Variants in PTPN14 observed in about 807,000 individuals in gnomAD.
PTPN14 encodes protein tyrosine phosphatase non-receptor type 14, also known as tyrosine-protein phosphatase non-receptor type 14.
PTPN14 carries 53 observed loss-of-function variants against 126.8 expected under a neutral mutation model. The ratio of observed to expected loss-of-function variants is 0.42; its 90% CI spans 0.34 to 0.53. The LOEUF is 0.53. Ranked by LOEUF, PTPN14 falls within the 20% of genes least tolerant of loss-of-function variation. PTPN14 has a pLI of 0.08. For missense variants in PTPN14, 1,257 were observed against 1,552.9 expected (o/e 0.81, Z 3.20); for synonymous variants, 630 against 599.3 (o/e 1.05, Z -0.75).
At chr1:214,406,664 T>C (rs927014734) in intron 5 of PTPN14, among the ~76,000 whole-genome samples, 8 of 152,124 alleles carry the variant, frequency 5.3e-5, no homozygotes, top group African/African-American at 1.9e-4. Context: ...AATGATGAGA[T>C]TTATGAAGTT....
At chr1:214,497,521 T>C (rs558386176) in intron 1 of PTPN14, among the ~76,000 whole-genome samples, 39 of 152,340 alleles carry the variant, frequency 2.6e-4, no homozygotes, top group African/African-American at 8.9e-4. Flanking sequence ...TTTTAATCTA[T>C]GCTACAAGCT....
At chr1:214,461,752 G>C (rs1421836326) in intron 2 of PTPN14, among the ~76,000 whole-genome samples, 2 of 152,192 alleles carry the variant, frequency 1.3e-5, no homozygotes, top group South Asian at 2.1e-4. Flanking sequence ...GAGGCTGAAT[G>C]AGCCATGATC....
chr1:214,436,341 G>A (rs1026331037), intron 3 of PTPN14, among the ~76,000 whole-genome samples: 14 of 151,892 alleles, frequency 9.2e-5, no homozygotes, highest in Admixed American at 7.2e-4. Context: ...CTAAACTCCC[G>A]TGACACACAA....
chr1:214,452,620 C>G (rs1175720125), intron 2 of PTPN14, among the ~76,000 whole-genome samples: 1 of 152,200 alleles, frequency 6.6e-6, no homozygotes, highest in African/African-American at 2.4e-5. Flanking sequence ...CCCCTGGTGG[C>G]TGTTCTTGGC....
At chr1:214,402,659 A>AGGGAGGG (rs1659053585) in intron 6 of PTPN14, among the ~76,000 whole-genome samples, 1 of 264 alleles carries the variant, frequency 3.8e-3, no homozygotes, top group African/African-American at 9.6e-3. Context: ...GGAAGGAAGG[A>AGGGAGGG]AGGAAGGAAG....
At chr1:214,362,222 C>A (rs1215656516) in intron 18 of PTPN14, among the ~76,000 whole-genome samples, 1 of 152,206 alleles carries the variant, frequency 6.6e-6, no homozygotes, top group Non-Finnish European at 1.5e-5. Flanking sequence ...AGCATTTCTC[C>A]CCGCTAACCA....
intron 1 of PTPN14, among the ~76,000 whole-genome samples, chr1:214,465,322 T>C (rs12743237): frequency 0.83 from 125,767 of 152,072 alleles, 52,112 homozygotes; most frequent in African/African-American, 0.89. Context: ...CAAGAAAGTG[T>C]TAGGAGGCTG....
At chr1:214,444,655 A>G (rs1270479913) in intron 3 of PTPN14, among the ~76,000 whole-genome samples, 2 of 152,186 alleles carry the variant, frequency 1.3e-5, no homozygotes, top group Non-Finnish European at 2.9e-5. Flanking sequence ...AAGTATTGGT[A>G]TTTATAAGAA....
At chr1:214,358,604 G>C (rs1163983461) in intron 18 of PTPN14, among the ~76,000 whole-genome samples, 1 of 152,206 alleles carries the variant, frequency 6.6e-6, no homozygotes, top group Non-Finnish European at 1.5e-5. Context: ...TCTAACAGCA[G>C]TGTGGCCTTG....
chr1:214,384,940 T>G lies in PTPN14; in HGVS notation c.1067-152A>C. ...CCCACATGTTCTATAGAATAACAGA[T>G]ACTATCTTGGATGAAATGCCAACAT... On this transcript the variant is annotated intron_variant, in intron 12 of 18. Transcript: ENST00000366956. This position sits in a 1 kb window ranked among gnomAD's most constrained non-coding sequence, Gnocchi z 5.3. The G allele has an allele frequency of 7.6e-6, 7 of 920,454 alleles. No individual in the cohort carries two copies. In the South Asian group the frequency reaches 1.0e-4, roughly 14 times the overall value. The allele number at this position is 920,454 out of a possible 1,614,324, so 57.0% of individuals were successfully genotyped here. A position where few individuals can be genotyped will look rare whatever the true frequency, so the allele number is the denominator to read the frequency against.
rs138330108 is a variant in PTPN14 at position 214,413,179 on chromosome 1, A to G, written c.443-1428T>C. On this transcript the variant is annotated intron_variant, in intron 4 of 18. Coordinates refer to ENST00000366956, the MANE Select transcript of PTPN14 (RefSeq NM_005401.5). The stretch of plus-strand genomic sequence containing the variant: ...GGCATAAGCCACCACACCCAGCCCA[A>G]CGAAAGCTTTTTAAAAGAAGAAAGA... Among the ~76,000 whole-genome samples the G allele has an allele frequency of 4.5e-4, 68 of 152,268 alleles. No individual in the cohort carries two copies. The East Asian group carries it at 0.013, about 29-fold the overall frequency.
At chr1:214,458,632 C>A (rs74746175) in intron 2 of PTPN14, among the ~76,000 whole-genome samples, 3,994 of 150,804 alleles carry the variant, frequency 0.026, 174 homozygotes, top group African/African-American at 0.091. Context: ...TTTAAGGTTA[C>A]ATAGCTAGTA....
At chr1:214,397,573 C>T (rs764146789) in intron 8 of PTPN14, among the ~76,000 whole-genome samples, 3 of 152,214 alleles carry the variant, frequency 2.0e-5, no homozygotes, top group African/African-American at 7.2e-5. Flanking sequence ...TCAGTTGGCA[C>T]TCTTGTGGCA....
chr1:214,501,572 A>G (rs1654700476), intron 1 of PTPN14, among the ~76,000 whole-genome samples: 1 of 152,134 alleles, frequency 6.6e-6, no homozygotes, highest in Non-Finnish European at 1.5e-5. Context: ...ATGAACAATT[A>G]GGCTATAAAT....
chr1:214,538,041 C>T (rs1655749544), intron 1 of PTPN14, among the ~76,000 whole-genome samples: 1 of 152,204 alleles, frequency 6.6e-6, no homozygotes, highest in Non-Finnish European at 1.5e-5. Context: ...AATATCCCAA[C>T]TCAGACTAGC....
intron 11 of PTPN14, among the ~76,000 whole-genome samples, chr1:214,388,429 C>G (rs1342975531): frequency 6.6e-6 from 1 of 151,690 alleles, no homozygotes; most frequent in South Asian, 2.1e-4. Context: ...TTTTCTGAGA[C>G]ATTGTCTCAC....
intron 5 of PTPN14, among the ~76,000 whole-genome samples, chr1:214,411,412 G>C (rs1431190219): frequency 6.6e-6 from 1 of 152,028 alleles, no homozygotes; most frequent in Non-Finnish European, 1.5e-5. Flanking sequence ...ATTTAGTAAA[G>C]TTTCAGGTTA....
chr1:214,364,245 G>A lies in PTPN14; in HGVS notation c.3435+267C>T, dbSNP rs139662122. On this transcript the variant is annotated intron_variant, in intron 18 of 18. Transcript: ENST00000366956. This position sits in a 1 kb window ranked among gnomAD's most constrained non-coding sequence, Gnocchi z 4.1. ...CCAAAGACTTCTGGAAGTAGATGCC[G>A]CCTAAGATCACATTTTCTAAGTGTT... 5.9e-5 allele frequency among the ~76,000 whole-genome samples: 9 copies of A among 152,222 alleles called. No homozygotes were observed. Among genetic ancestry groups the A allele is most frequent in the East Asian group, 3.9e-4 (2 of 5,162 alleles).
intron 3 of PTPN14, among the ~76,000 whole-genome samples, chr1:214,436,072 G>A (rs867523626): frequency 6.6e-6 from 1 of 152,164 alleles, no homozygotes; most frequent in Admixed American, 6.5e-5. Context: ...CACAAAAAAT[G>A]ACAAGATCAT....
Sources: gnomAD v4.1 joint callset for allele counts (sites outside exome capture counted in the v4.1 genomes callset) on GRCh38, gnomAD v4.1.1 for gene constraint, Gnocchi (gnomAD v3.1) non-coding constraint, MANE v1.5 for transcripts, NCBI Gene and HGNC (gene_info 2026-07-23, HGNC 2026-07-21) for gene names.